Variants in RNFT2 observed in about 807,000 individuals in gnomAD.
The protein encoded by RNFT2 is ring finger protein, transmembrane 2, also known as E3 ubiquitin-protein ligase RNFT2.
A neutral mutation model predicts 53.0 loss-of-function variants in RNFT2; 36 were observed. The ratio of observed to expected loss-of-function variants is 0.68; its 90% CI spans 0.52 to 0.90. The LOEUF (loss-of-function observed/expected upper bound fraction) is 0.90. RNFT2 is among the 40% of genes least tolerant of loss of function. The pLI is 0.00. For synonymous variants in RNFT2, 260 were observed against 253.2 expected (o/e 1.03, Z -0.26); for missense variants, 514 against 585.6 (o/e 0.88, Z 1.26).
At chr12:116,835,147 G>T (rs1317054955) in intron 8 of RNFT2, among the ~76,000 whole-genome samples, 1 of 152,116 alleles carries the variant, frequency 6.6e-6, no homozygotes, top group African/African-American at 2.4e-5. Flanking sequence ...ACCCCACCTG[G>T]CCCCCATTAT....
intron 10 of RNFT2, among the ~76,000 whole-genome samples, chr12:116,843,492 CA>C (rs35687933): frequency 1.7e-3 from 111 of 65,132 alleles, no homozygotes; most frequent in South Asian, 5.7e-3. Context: ...GACTGTGTCT[CA>C]AAAAAAAAAA....
chr12:116,749,690 T>G, intron 3 of RNFT2, 151 bp from the exon 4 acceptor site: 1 of 696,294 alleles, frequency 1.4e-6, no homozygotes. Flanking sequence ...GGTCACATTC[T>G]GAGGTCCTGG....
chr12:116,754,084 T>C, intron 5 of RNFT2, 24 bp downstream of exon 5: 1 of 1,594,550 alleles, frequency 6.3e-7, no homozygotes, highest in Non-Finnish European at 8.6e-7. Context: ...CGACCTAGTC[T>C]CCTGTGGCTG....
At chr12:116,782,440 T>A (rs1286762892) in intron 7 of RNFT2, among the ~76,000 whole-genome samples, 2 of 152,064 alleles carry the variant, frequency 1.3e-5, no homozygotes, top group Non-Finnish European at 2.9e-5. Context: ...GATGGGAGGA[T>A]TGCTTGAGGC....
chr12:116,846,901 A>ATTTTT (rs34273674), intron 10 of RNFT2, among the ~76,000 whole-genome samples: 1 of 112,376 alleles, frequency 8.9e-6, no homozygotes, highest in African/African-American at 3.4e-5. Context: ...CATGCCCAGG[A>ATTTTT]TTTTTTTTTT....
intron 3 of RNFT2, among the ~76,000 whole-genome samples, chr12:116,742,241 G>A (rs539026454): frequency 2.0e-5 from 3 of 151,598 alleles, no homozygotes; most frequent in Non-Finnish European, 2.9e-5. Context: ...CATGTTGGTG[G>A]GCTCTGGGGT....
At chr12:116,755,972 A>G (rs1872492197) in intron 5 of RNFT2, 1 of 758,618 alleles carries the variant, frequency 1.3e-6, no homozygotes. Context: ...CTATGGCCTT[A>G]TAGTATAGGT....
chr12:116,818,410 A>C (rs1167273841), intron 7 of RNFT2, among the ~76,000 whole-genome samples: 1 of 151,876 alleles, frequency 6.6e-6, no homozygotes, highest in Admixed American at 6.6e-5. Context: ...GCCCTGGCTC[A>C]GTGCCTGGTT....
At chr12:116,820,338 T>C (rs1179984842) in intron 7 of RNFT2, among the ~76,000 whole-genome samples, 4 of 152,234 alleles carry the variant, frequency 2.6e-5, no homozygotes, top group Admixed American at 1.3e-4. Flanking sequence ...TGCCTCGGCC[T>C]CCCGTAGTTC....
At chr12:116,743,268 T>TAAAAAAAAAA in intron 3 of RNFT2, among the ~76,000 whole-genome samples, 1 of 55,746 alleles carries the variant, frequency 1.8e-5, no homozygotes, top group African/African-American at 5.1e-5. Flanking sequence ...ACTCATGAGC[T>TAAAAAAAAAA]AGAATTTTTT....
chr12:116,793,468 G>A (rs11068192), intron 7 of RNFT2, among the ~76,000 whole-genome samples: 17,150 of 152,044 alleles, frequency 0.11, 2,816 homozygotes, highest in African/African-American at 0.36. Context: ...GATTACAGGC[G>A]TGAGCCACTG....
chr12:116,740,061 G>T lies in RNFT2; in HGVS notation c.-153-284G>T, dbSNP rs141527456. On this transcript the variant is annotated intron_variant, in intron 1 of 10. Coordinates refer to ENST00000257575, the MANE Select transcript of RNFT2 (RefSeq NM_001382266.1). The stretch of plus-strand genomic sequence containing the variant: ...TCTCTACTAAAAATACAAAAATTGG[G>T]TGGGCGTGGTGTCGCATGCCTGTAA... 2.5e-3 allele frequency among the ~76,000 whole-genome samples: 384 copies of T among 152,062 alleles called. 2 individuals are homozygous for T. Among genetic ancestry groups the T allele is most frequent in the African/African-American group, 9.0e-3 (373 of 41,448 alleles).
At chr12:116,818,342 T>G (rs1449741947) in intron 7 of RNFT2, among the ~76,000 whole-genome samples, 3 of 148,252 alleles carry the variant, frequency 2.0e-5, no homozygotes, top group Non-Finnish European at 4.5e-5. Flanking sequence ...AAAAATCCGC[T>G]TTTTCGTCTG....
chr12:116,834,108 T>TTTTTA (rs1876834480), intron 8 of RNFT2, among the ~76,000 whole-genome samples, 167 bp downstream of exon 8: 2 of 152,130 alleles, frequency 1.3e-5, no homozygotes, highest in Non-Finnish European at 2.9e-5. Flanking sequence ...AACTGTTTTA[T>TTTTTA]TTTTATTTTA....
intron 7 of RNFT2, among the ~76,000 whole-genome samples, chr12:116,798,728 A>G (rs1874626388): frequency 6.6e-6 from 1 of 151,966 alleles, no homozygotes; most frequent in African/African-American, 2.4e-5. Context: ...CACCATGCCC[A>G]GCTAATTTTT....
chr12:116,842,045 G>A (rs1382799913), intron 10 of RNFT2, among the ~76,000 whole-genome samples: 1 of 147,910 alleles, frequency 6.8e-6, no homozygotes, highest in Non-Finnish European at 1.5e-5. Context: ...ACAGGCTGCA[G>A]TCAAGGTATT....
chr12:116,797,038 A>T (rs1874535285), intron 7 of RNFT2, among the ~76,000 whole-genome samples: 1 of 152,192 alleles, frequency 6.6e-6, no homozygotes. Context: ...TACAGTGCAC[A>T]GGACAGCCCT....
chr12:116,806,713 C>T (rs187055144), intron 7 of RNFT2, among the ~76,000 whole-genome samples: 23 of 150,070 alleles, frequency 1.5e-4, no homozygotes, highest in South Asian at 8.4e-4. Context: ...CCACTATACT[C>T]TCCACCCTGA....
In RNFT2 at chr12:116,849,826, C is replaced by CGCCT; in HGVS notation, c.*378_*379insGCCT. 2.7e-5 allele frequency: 4 copies of CGCCT among 150,822 alleles called. No homozygotes were observed. The highest frequency in any genetic ancestry group is 4.1e-5 in the Non-Finnish European group (4 of 96,420). 9.3% of individuals were successfully genotyped at this position (150,822 alleles called of 1,614,324 possible). A position where few individuals can be genotyped will look rare whatever the true frequency, so the allele number is the denominator to read the frequency against. ...TCTCTCTCTCTGTTTCCCTCCCTCC[C>CGCCT]TCCTTCCTTCCTTCCTTCCTTTTTT... is the stretch of plus-strand genomic sequence containing the variant. On this transcript the variant is annotated 3_prime_UTR_variant, in exon 11 of 11. Coordinates refer to ENST00000257575, the MANE Select transcript of RNFT2 (RefSeq NM_001382266.1).
Sources: allele counts gnomAD v4.1 joint callset (sites outside exome capture counted in the v4.1 genomes callset), GRCh38; gene constraint gnomAD v4.1.1; transcripts MANE v1.5; gene names NCBI Gene and HGNC (gene_info 2026-07-23, HGNC 2026-07-21).